The following AGPAT2 variants were observed in gnomAD, a reference collection of about 807,000 sequenced individuals.
AGPAT2 encodes the protein 1-acyl-sn-glycerol-3-phosphate acyltransferase beta.
Under a neutral mutation model 26.1 loss-of-function variants are expected in AGPAT2, and 18 were observed. The ratio of observed to expected loss-of-function variants is 0.69; its 90% CI spans 0.48 to 1.02. AGPAT2 has a LOEUF of 1.02. Ranked by LOEUF, AGPAT2 falls within the 50% of genes least tolerant of loss-of-function variation. The pLI is 0.00. For synonymous variants in AGPAT2, 200 were observed against 174.2 expected (o/e 1.15, Z -1.16); for missense variants, 415 against 394.9 (o/e 1.05, Z -0.43).
rs1564291520 is a variant in AGPAT2, at chr9:136,677,328, G to A, written c.316+95C>T. The A allele has an allele frequency of 6.3e-6, 10 of 1,585,532 alleles. No individual in the cohort carries two copies. The South Asian group carries it at 1.1e-4, about 18-fold the overall frequency. ...GGCCGAGCTCGCCCAGGCACAGGCA[G>A]CCCTGTGTCCTCGTCCCCGGGACCC... On this transcript the variant is annotated intron_variant, in intron 2 of 5. Transcript: ENST00000371696.
intron 1 of AGPAT2, among the ~76,000 whole-genome samples, chr9:136,683,484 C>G (rs769546202): frequency 2.0e-5 from 3 of 152,180 alleles, no homozygotes; most frequent in Admixed American, 2.0e-4. Flanking sequence ...GCAGCCCCCT[C>G]CCCCTCTGCT....
At chr9:136,677,396 AG>A in intron 2 of AGPAT2, 26 bp downstream of exon 2, 1 of 1,612,948 alleles carries the variant, frequency 6.2e-7, no homozygotes, top group Non-Finnish European at 8.5e-7. Flanking sequence ...CTCAAACCCC[AG>A]AAGCCACCCC....
rs968710123 is a variant in AGPAT2 at position 136,678,568 on chromosome 9, A to G, written c.183-1012T>C. On this transcript the variant is annotated intron_variant, in intron 1 of 5. Transcript: ENST00000371696. ...TGCCAGCGCTGACTGGGGGGCTGCC[A>G]GTGCTGCTCCCCTCTCCATGCAGAC... Among the ~76,000 whole-genome samples, 7 of 152,152 alleles carry G rather than the reference A, an allele frequency of 4.6e-5. 1 individual carries two copies. Among genetic ancestry groups the G allele is most frequent in the Admixed American group, 3.9e-4 (6 of 15,284 alleles).
At position 136,677,180 on chromosome 9, in the gene AGPAT2, C is replaced by T. The variant is rs368154687; in HGVS notation, c.317-44G>A. On this transcript the variant is annotated intron_variant, in intron 2 of 5. Coordinates refer to ENST00000371696, the MANE Select transcript of AGPAT2 (RefSeq NM_006412.4). ...GAGACAGAGAGAGAGGGGGAGACAG[C>T]GTGCGCTGGAAGACAGCTGCTGAGC... is the stretch of plus-strand genomic sequence containing the variant. 32 of 1,604,106 alleles carry T rather than the reference C, an allele frequency of 2.0e-5. No homozygotes were observed. The African/African-American group carries it at 2.4e-4, about 12-fold the overall frequency.
At chr9:136,685,355 C>T (rs1362587740) in intron 1 of AGPAT2, among the ~76,000 whole-genome samples, 1 of 152,354 alleles carries the variant, frequency 6.6e-6, no homozygotes, top group Admixed American at 6.5e-5. Context: ...CCCAGTGGGG[C>T]AGCAGGGCCA....
intron 1 of AGPAT2, among the ~76,000 whole-genome samples, chr9:136,679,588 C>T (rs183464274): frequency 4.6e-4 from 70 of 152,290 alleles, no homozygotes; most frequent in Non-Finnish European, 8.2e-4. Flanking sequence ...TCCAGCTTCC[C>T]GGACCCCTGT....
chr9:136,673,728 G>T lies in AGPAT2; in HGVS notation c.*24C>A. ...CATCGGCTTCCACCTGCCCTCCCCA[G>T]GTCATGCCCTGCCGTGGTCTGGGCT... On this transcript the variant is annotated 3_prime_UTR_variant, in exon 6 of 6. Transcript: ENST00000371696. The T allele has an allele frequency of 6.4e-7, 1 of 1,551,010 alleles. No individual in the cohort carries two copies. The highest frequency in any genetic ancestry group is 1.2e-5 in the South Asian group (1 of 84,072).
intron 1 of AGPAT2, among the ~76,000 whole-genome samples, chr9:136,681,685 C>G (rs896985517): frequency 3.3e-5 from 5 of 152,132 alleles, no homozygotes; most frequent in Non-Finnish European, 7.4e-5. Context: ...GCCTGTAATC[C>G]CAGCTACTCG....
intron 1 of AGPAT2, among the ~76,000 whole-genome samples, chr9:136,685,013 A>G (rs1846204955): frequency 6.6e-6 from 1 of 152,058 alleles, no homozygotes; most frequent in African/African-American, 2.4e-5. Context: ...CCCCACTCTT[A>G]GCCATTGCTG....
At position 136,687,433 on chromosome 9, in the gene AGPAT2, C is replaced by G. The variant is rs995529204; in HGVS notation, c.-76G>C. ...CCGCTTCTCCCCCGCGCGCTCAGGC[C>G]CCTTATTGCGAGGGCGGCGGGGCTG... On this transcript the variant is annotated 5_prime_UTR_variant, in exon 1 of 6. Coordinates refer to ENST00000371696, the MANE Select transcript of AGPAT2 (RefSeq NM_006412.4). The G allele has an allele frequency of 9.4e-6, 12 of 1,271,660 alleles. No homozygotes were observed. Among genetic ancestry groups the G allele is most frequent in the Non-Finnish European group, 1.2e-5 (12 of 994,150 alleles). 78.8% of individuals were successfully genotyped at this position (1,271,660 alleles called of 1,614,324 possible).
Position 136,687,442 on chromosome 9 carries a change from C to A in AGPAT2, c.-85G>T. 2.5e-6 allele frequency: 3 copies of A among 1,201,576 alleles called. No individual in the cohort carries two copies. The highest frequency in any genetic ancestry group is 2.1e-6 in the Non-Finnish European group (2 of 934,322). The allele number at this position is 1,201,576 out of a possible 1,614,324, so 74.4% of individuals were successfully genotyped here. On this transcript the variant is annotated 5_prime_UTR_variant, in exon 1 of 6. Transcript: ENST00000371696. ...CCCCGCGCGCTCAGGCCCCTTATTG[C>A]GAGGGCGGCGGGGCTGGGCGGGGCG...
At chr9:136,674,012 C>T (rs545016569) in intron 5 of AGPAT2, 85 bp from the exon 6 acceptor site, 3 of 1,282,210 alleles carry the variant, frequency 2.3e-6, no homozygotes, top group Non-Finnish European at 3.1e-6. Context: ...CTCTCCCCAG[C>T]CCCCCACAGC....
At chr9:136,683,082 G>GGGGGGGGGGGGGA (rs1588267940) in intron 1 of AGPAT2, among the ~76,000 whole-genome samples, 2 of 132,594 alleles carry the variant, frequency 1.5e-5, no homozygotes, top group Admixed American at 7.6e-5. Flanking sequence ...GGGAGGGGGG[G>GGGGGGGGGGGGGA]AAGAATCCAA....
Position 136,676,659 on chromosome 9 carries a change from C to G in AGPAT2, c.514G>C (p.Glu172Gln), listed in dbSNP as rs748157664. Residue 172 changes from glutamate to glutamine, a missense_variant, in exon 4 of 6, where the codon GAG (glutamate) becomes CAG (glutamine). Glu to Gln is a conservative substitution (Grantham distance 29). Transcript: ENST00000371696. ...TCCCCATTGTCGTTGCGAGTACCCT[C>G]GGGATAGATCCACACTTTGAGCTGC... ...RENLKVWIYPEGTRNDNGDLL... is the reference protein window; with the variant it reads ...RENLKVWIYPQGTRNDNGDLL... The G allele has an allele frequency of 1.2e-6, 2 of 1,613,448 alleles. No individual in the cohort carries two copies. The highest frequency in any genetic ancestry group is 1.7e-6 in the Non-Finnish European group (2 of 1,179,894).
intron 1 of AGPAT2, among the ~76,000 whole-genome samples, chr9:136,681,631 G>A (rs868161626): frequency 1.2e-4 from 18 of 152,108 alleles, no homozygotes; most frequent in Admixed American, 5.2e-4. Flanking sequence ...GTGAAATCCC[G>A]TCTCTATTAA....
At chr9:136,680,763 G>A (rs553817023) in intron 1 of AGPAT2, among the ~76,000 whole-genome samples, 43 of 151,424 alleles carry the variant, frequency 2.8e-4, no homozygotes, top group South Asian at 6.3e-4. Context: ...TCCACCTCCC[G>A]GCAAGCGATT....
Position 136,677,525 on chromosome 9 carries a change from A to G in AGPAT2, c.214T>C (p.Tyr72His), listed in dbSNP as rs766725928. 6.2e-7 allele frequency: 1 copy of G among 1,612,942 alleles called. No homozygotes were observed. Residue 72 changes from tyrosine to histidine, a missense_variant, in exon 2 of 6, where the codon TAC (tyrosine) becomes CAC (histidine). By Grantham distance (83) the Tyr-to-His change is moderately conservative (BLOSUM62 2). Transcript: ENST00000371696. The part of the protein sequence containing the change: ...IIGWFVRSFK[Y>H]FYGLRFEVRD... ...ACCTCGAAGCGGAGCCCGTAAAAGT[A>G]CTTGAAGCTTCGCACGAACCAGCCG...
chr9:136,686,144 AG>A (rs1846218439), intron 1 of AGPAT2, among the ~76,000 whole-genome samples: 1 of 152,084 alleles, frequency 6.6e-6, no homozygotes, highest in Non-Finnish European at 1.5e-5. Context: ...CCATGACTGT[AG>A]GCCCGTTCCA....
chr9:136,680,810 G>A (rs1015556558), intron 1 of AGPAT2, among the ~76,000 whole-genome samples: 7 of 151,682 alleles, frequency 4.6e-5, no homozygotes, highest in African/African-American at 1.7e-4. Flanking sequence ...GGGACTACTG[G>A]TGTGCGCCAC....
Sources: allele counts gnomAD v4.1 joint callset (sites outside exome capture counted in the v4.1 genomes callset), GRCh38; gene constraint gnomAD v4.1.1; transcripts MANE v1.5; gene names NCBI Gene and HGNC (gene_info 2026-07-23, HGNC 2026-07-21).